Variants in GOLPH3L observed in about 807,000 individuals in gnomAD.
GOLPH3L encodes the protein Golgi phosphoprotein 3-like.
A neutral mutation model predicts 30.3 loss-of-function variants in GOLPH3L; 22 were observed. That is an observed-to-expected ratio of 0.73 (90% CI 0.52 to 1.04). The LOEUF (loss-of-function observed/expected upper bound fraction) is 1.04. Ranked by LOEUF, GOLPH3L falls within the 50% of genes least tolerant of loss-of-function variation. The probability of loss-of-function intolerance (pLI) is 0.00; values close to 1 mark genes in which losing one functional copy is unlikely to be tolerated. For missense variants in GOLPH3L, 303 were observed against 345.8 expected (o/e 0.88, Z 0.98); for synonymous variants, 120 against 128.2 (o/e 0.94, Z 0.43).
chr1:150,650,626 T>A (rs184588996), intron 4 of GOLPH3L, among the ~76,000 whole-genome samples: 1 of 152,182 alleles, frequency 6.6e-6, no homozygotes, highest in African/African-American at 2.4e-5. Flanking sequence ...GGGAGGGATC[T>A]AGGTTGCATG....
chr1:150,681,056 C>T (rs1340610027), intron 2 of GOLPH3L, among the ~76,000 whole-genome samples: 2 of 152,162 alleles, frequency 1.3e-5, no homozygotes, highest in Non-Finnish European at 2.9e-5. Context: ...AGGAGAACCA[C>T]TTGAACCTGG....
At chr1:150,657,371 C>G (rs1280322525) in intron 4 of GOLPH3L, among the ~76,000 whole-genome samples, 3 of 152,212 alleles carry the variant, frequency 2.0e-5, no homozygotes, top group Non-Finnish European at 4.4e-5. Context: ...ACAGCATTAC[C>G]TGGAAAGAAG....
At chr1:150,677,465 T>C (rs1650838507) in intron 2 of GOLPH3L, among the ~76,000 whole-genome samples, 3 of 151,376 alleles carry the variant, frequency 2.0e-5, no homozygotes, top group African/African-American at 7.3e-5. Flanking sequence ...CTTGAACTCC[T>C]GACCTCAGGT....
chr1:150,652,036 C>T (rs1650115825), intron 4 of GOLPH3L, among the ~76,000 whole-genome samples: 1 of 151,776 alleles, frequency 6.6e-6, no homozygotes, highest in Non-Finnish European at 1.5e-5. Flanking sequence ...TGTTGAAAAC[C>T]AAAAATAAGT....
chr1:150,680,905 T>C (rs985341701), intron 2 of GOLPH3L, among the ~76,000 whole-genome samples: 3 of 152,138 alleles, frequency 2.0e-5, no homozygotes, highest in African/African-American at 7.2e-5. Context: ...TCCCAGCACT[T>C]TGGGAAGCCG....
In GOLPH3L at chr1:150,648,250, A is replaced by C. The variant is rs1370210190; in HGVS notation, c.*71T>G. The C allele has an allele frequency of 9.0e-7, 1 of 1,105,812 alleles. No homozygotes were observed. Among genetic ancestry groups the C allele is most frequent in the Non-Finnish European group, 1.3e-6 (1 of 762,782 alleles). The allele number at this position is 1,105,812 out of a possible 1,614,324, so 68.5% of individuals were successfully genotyped here. A position where few individuals can be genotyped will look rare whatever the true frequency, so the allele number is the denominator to read the frequency against. ...AAAAATGATGAAAACATCTCATCAC[A>C]CAAAACTCAGTGATGGGGTCTCTGA... is the stretch of plus-strand genomic sequence containing the variant. On this transcript the variant is annotated 3_prime_UTR_variant, in exon 5 of 5. Coordinates refer to ENST00000271732, the MANE Select transcript of GOLPH3L (RefSeq NM_018178.6).
chr1:150,658,799 C>A (rs1650305255), intron 4 of GOLPH3L, among the ~76,000 whole-genome samples: 1 of 152,116 alleles, frequency 6.6e-6, no homozygotes, highest in Admixed American at 6.6e-5. Context: ...TAGAGTGGCA[C>A]CTCAATCTCA....
chr1:150,690,436 A>G (rs1353286909), intron 2 of GOLPH3L, among the ~76,000 whole-genome samples: 1 of 152,164 alleles, frequency 6.6e-6, no homozygotes, highest in Non-Finnish European at 1.5e-5. Context: ...ACCATGTAAA[A>G]ACAAGCAATT....
chr1:150,681,791 G>T (rs1356825204), intron 2 of GOLPH3L, among the ~76,000 whole-genome samples: 4 of 152,124 alleles, frequency 2.6e-5, no homozygotes, highest in African/African-American at 9.7e-5. Flanking sequence ...CTGTGGCTGG[G>T]CATGGTGGCT....
chr1:150,660,347 G>A (rs1163134248), intron 4 of GOLPH3L, among the ~76,000 whole-genome samples: 1 of 152,084 alleles, frequency 6.6e-6, no homozygotes, highest in Non-Finnish European at 1.5e-5. Context: ...AATATAAAAT[G>A]GTGCAGTCTC....
chr1:150,682,623 C>CAAAA (rs145118551), intron 2 of GOLPH3L, among the ~76,000 whole-genome samples: 26 of 50,318 alleles, frequency 5.2e-4, no homozygotes, highest in African/African-American at 6.3e-4. Context: ...GACTCTTTCT[C>CAAAA]AAAAAAAAAA....
intron 2 of GOLPH3L, among the ~76,000 whole-genome samples, chr1:150,671,169 G>A (rs1650634992): frequency 1.3e-5 from 2 of 151,892 alleles, no homozygotes; most frequent in Admixed American, 6.6e-5. Context: ...ATGAATCCAG[G>A]AGGCAGAGGC....
intron 4 of GOLPH3L, among the ~76,000 whole-genome samples, chr1:150,659,947 A>C (rs1650332044): frequency 6.6e-6 from 1 of 151,948 alleles, no homozygotes; most frequent in African/African-American, 2.4e-5. Context: ...AGGTGGGAGG[A>C]TCCTTGAGCC....
chr1:150,673,629 A>G (rs1650694691), intron 2 of GOLPH3L, among the ~76,000 whole-genome samples: 1 of 151,876 alleles, frequency 6.6e-6, no homozygotes, highest in Non-Finnish European at 1.5e-5. Flanking sequence ...GAGAAGGGGG[A>G]GCAAAAATTT....
At chr1:150,649,016 T>C (rs1650045644) in intron 4 of GOLPH3L, among the ~76,000 whole-genome samples, 1 of 152,150 alleles carries the variant, frequency 6.6e-6, no homozygotes, top group Non-Finnish European at 1.5e-5. Flanking sequence ...GACACTGTAA[T>C]TATTTATGTA....
chr1:150,666,991 A>G (rs1257099935), intron 2 of GOLPH3L, among the ~76,000 whole-genome samples: 2 of 152,166 alleles, frequency 1.3e-5, no homozygotes, highest in Admixed American at 6.5e-5. Flanking sequence ...AATTGAGGAC[A>G]TCTTCCTTCA....
chr1:150,661,461 T>C (rs1462605438), intron 4 of GOLPH3L, among the ~76,000 whole-genome samples: 1 of 152,214 alleles, frequency 6.6e-6, no homozygotes, highest in Admixed American at 6.5e-5. Context: ...AAATGTGGTA[T>C]GGCCATGCAA....
In GOLPH3L at chr1:150,648,631, A is replaced by C; in HGVS notation, c.548T>G (p.Phe183Cys). 6.2e-7 allele frequency: 1 copy of C among 1,613,802 alleles called. No homozygotes were observed. Among genetic ancestry groups the C allele is most frequent in the Non-Finnish European group, 8.5e-7 (1 of 1,179,790 alleles). Residue 183 changes from phenylalanine (F) to cysteine (C), a missense_variant, in exon 5 of 5, where the codon TTT (phenylalanine) becomes TGT (cysteine). Phe to Cys is a radical substitution (Grantham distance 205). Coordinates refer to ENST00000271732, the MANE Select transcript of GOLPH3L (RefSeq NM_018178.6). ...GGTCACTGGATGAGTAGTCATGTCA[A>C]ATAGCAGGAAATTCTGCTTCTCAGT... is the stretch of plus-strand genomic sequence containing the variant. Reference protein sequence around the residue: ...LTTEKQNFLLFDMTTHPVTNT... With the variant: ...LTTEKQNFLLCDMTTHPVTNT...
At chr1:150,677,370 G>C (rs1650835663) in intron 2 of GOLPH3L, among the ~76,000 whole-genome samples, 1 of 152,026 alleles carries the variant, frequency 6.6e-6, no homozygotes, top group Admixed American at 6.6e-5. Context: ...CTGAGTAGCT[G>C]GGATTACAGG....
Sources: gnomAD v4.1 joint callset for allele counts (sites outside exome capture counted in the v4.1 genomes callset) on GRCh38, gnomAD v4.1.1 for gene constraint, MANE v1.5 for transcripts, NCBI Gene and HGNC (gene_info 2026-07-23, HGNC 2026-07-21) for gene names.